Variants in SUZ12 observed in about 807,000 individuals in gnomAD.
SUZ12 encodes polycomb protein SUZ12.
A neutral mutation model predicts 87.3 loss-of-function variants in SUZ12; 17 were observed. The ratio of observed to expected loss-of-function variants is 0.19; its 90% CI spans 0.13 to 0.29. The LOEUF is 0.29. Ranked by LOEUF, SUZ12 falls within the 10% of genes least tolerant of loss-of-function variation. SUZ12 has a pLI of 1.00. For synonymous variants in SUZ12, 253 were observed against 312.4 expected, an observed-to-expected ratio of 0.81 and a Z score of 2.01; for missense variants, 526 against 912.2, an observed-to-expected ratio of 0.58 and a Z score of 5.45.
Position 31,948,397 on chromosome 17 carries a change from T to C in SUZ12, c.455+712T>C, listed in dbSNP as rs1410824695. ...GGAGAAACAGCAGCTTGGGTGGTGT[T>C]TGTTCATTCATTAACTCCTTTAGAG... On this transcript the variant is annotated intron_variant, in intron 4 of 15. Coordinates refer to ENST00000322652, the MANE Select transcript of SUZ12 (RefSeq NM_015355.4). Among the ~76,000 whole-genome samples the C allele has an allele frequency of 2.0e-5, 3 of 152,322 alleles. No homozygotes were observed. The South Asian group carries it at 6.2e-4, about 32-fold the overall frequency.
intron 4 of SUZ12, among the ~76,000 whole-genome samples, chr17:31,964,413 G>GT (rs544646719): frequency 0.1 from 14,756 of 141,908 alleles, 967 homozygotes; most frequent in Middle Eastern, 0.16. Context: ...AACTCTGTAG[G>GT]TTTTTTTTTT....
chr17:31,980,844 C>T (rs1270644720), intron 8 of SUZ12, among the ~76,000 whole-genome samples: 1 of 152,038 alleles, frequency 6.6e-6, no homozygotes, highest in Admixed American at 6.6e-5. Flanking sequence ...CCAAAATCTG[C>T]ATGTTAGATG....
At chr17:31,964,604 A>G (rs1162060689) in intron 4 of SUZ12, among the ~76,000 whole-genome samples, 1 of 151,596 alleles carries the variant, frequency 6.6e-6, no homozygotes, top group East Asian at 2.0e-4. Context: ...ACTGGGTTTC[A>G]CCATATTGGC....
intron 5 of SUZ12, among the ~76,000 whole-genome samples, chr17:31,968,529 G>A (rs1283836481): frequency 6.6e-6 from 1 of 152,174 alleles, no homozygotes; most frequent in Non-Finnish European, 1.5e-5. Context: ...ACTGAGACTG[G>A]CCCTAGTTAG....
chr17:31,993,136 A>C (rs1328701622), intron 10 of SUZ12, 106 bp from the exon 11 acceptor site: 1 of 672,054 alleles, frequency 1.5e-6, no homozygotes, highest in African/African-American at 1.9e-5. Context: ...TAAATACCAC[A>C]AGTAGAATTC....
chr17:31,953,639 C>T (rs929258463), intron 4 of SUZ12, among the ~76,000 whole-genome samples: 1 of 151,796 alleles, frequency 6.6e-6, no homozygotes, highest in African/African-American at 2.4e-5. Flanking sequence ...AACTCCTATC[C>T]TCAAGTGATC....
At chr17:31,987,288 G>A (rs1231051240) in intron 9 of SUZ12, among the ~76,000 whole-genome samples, 1 of 152,192 alleles carries the variant, frequency 6.6e-6, no homozygotes, top group Non-Finnish European at 1.5e-5. Flanking sequence ...TTAGTTCAAG[G>A]TGACATTGAG....
intron 3 of SUZ12, among the ~76,000 whole-genome samples, chr17:31,944,569 T>C (rs963018864): frequency 4.6e-5 from 7 of 152,152 alleles, no homozygotes; most frequent in African/African-American, 1.4e-4. Flanking sequence ...TTCTTAATTA[T>C]TGCCCTTTAG....
chr17:31,939,676 G>A (rs926395326), intron 1 of SUZ12, among the ~76,000 whole-genome samples: 1 of 151,842 alleles, frequency 6.6e-6, no homozygotes, highest in Non-Finnish European at 1.5e-5. Context: ...GGCATGCGCC[G>A]CCCCTATGCC....
chr17:31,938,589 T>G (rs1906081304), intron 1 of SUZ12, among the ~76,000 whole-genome samples: 1 of 152,212 alleles, frequency 6.6e-6, no homozygotes, highest in Non-Finnish European at 1.5e-5. Flanking sequence ...TGAACCTGCT[T>G]CAGAGAGATT....
intron 8 of SUZ12, among the ~76,000 whole-genome samples, chr17:31,977,273 CTTTTT>C (rs762777458): frequency 8.5e-6 from 1 of 117,340 alleles, no homozygotes; most frequent in African/African-American, 3.3e-5. Flanking sequence ...GAGATCCCAT[CTTTTT>C]TTTTTTTTTT....
chr17:31,937,561 T>C (rs756202707), intron 1 of SUZ12, 41 bp downstream of exon 1: 1 of 1,528,644 alleles, frequency 6.5e-7, no homozygotes, highest in Non-Finnish European at 8.7e-7. Context: ...AGACCCACTC[T>C]GCCAACACCG....
chr17:31,981,395 T>C (rs1019505016), intron 8 of SUZ12, among the ~76,000 whole-genome samples: 5 of 152,166 alleles, frequency 3.3e-5, no homozygotes, highest in African/African-American at 7.2e-5. Flanking sequence ...TTTTCACTTA[T>C]CAGATTGACA....
chr17:31,941,397 C>T (rs1438496170), intron 3 of SUZ12, among the ~76,000 whole-genome samples: 1 of 151,446 alleles, frequency 6.6e-6, no homozygotes, highest in Admixed American at 6.6e-5. Context: ...GCTGGGGTTA[C>T]AGGCGCCTGC....
At chr17:31,985,927 C>T (rs1909387985) in intron 9 of SUZ12, among the ~76,000 whole-genome samples, 1 of 151,958 alleles carries the variant, frequency 6.6e-6, no homozygotes, top group African/African-American at 2.4e-5. Context: ...TCCCAAAGTA[C>T]TGGGATTACA....
At chr17:31,946,024 T>C (rs1434756595) in intron 3 of SUZ12, among the ~76,000 whole-genome samples, 1 of 152,182 alleles carries the variant, frequency 6.6e-6, no homozygotes, top group Non-Finnish European at 1.5e-5. Context: ...AAGCGCTTCT[T>C]ACTATACTCT....
chr17:31,988,460 A>T lies in SUZ12; in HGVS notation c.1164A>T (p.Glu388Asp), dbSNP rs1909528454. 1.2e-6 allele frequency: 2 copies of T among 1,609,330 alleles called. No homozygotes were observed. The highest frequency in any genetic ancestry group is 4.5e-5 in the East Asian group (2 of 44,842). Residue 388 changes from glutamate to aspartate, a missense_variant, in exon 10 of 16, where the codon GAA becomes GAT. Glu to Asp is a conservative substitution (Grantham distance 45, BLOSUM62 2). Around this residue, in one of 9 missense-constraint regions of SUZ12, gnomAD observed 85 missense variants for 87.4 expected, o/e 0.97. Coordinates refer to ENST00000322652, the MANE Select transcript of SUZ12 (RefSeq NM_015355.4). ...ATRNSESLHQENKPGSVKPTQ... is the reference protein window; with the variant it reads ...ATRNSESLHQDNKPGSVKPTQ... ...GAAATTCAGAGAGTCTCCATCAGGAAAACAAGCCTGGTTCAGTTAAACCTA... is the reference window on the plus strand; with the variant it reads ...GAAATTCAGAGAGTCTCCATCAGGATAACAAGCCTGGTTCAGTTAAACCTA...
chr17:31,946,113 A>G (rs1348732719), intron 3 of SUZ12, among the ~76,000 whole-genome samples: 3 of 152,154 alleles, frequency 2.0e-5, no homozygotes, highest in South Asian at 2.1e-4. Flanking sequence ...TAAGATCTTT[A>G]CTATGGAGGC....
rs897585845 is a variant in SUZ12 at position 31,973,033 on chromosome 17, G to T, written c.506-113G>T. ...AGGAAAAAAGAATGAGTGAACTTTT[G>T]AGAAGTCTTACTGTGGGAAATCTCT... On this transcript the variant is annotated intron_variant, in intron 5 of 15. Coordinates refer to ENST00000322652, the MANE Select transcript of SUZ12 (RefSeq NM_015355.4). The T allele has an allele frequency of 7.3e-6, 7 of 959,438 alleles. No individual in the cohort carries two copies. In the African/African-American group the frequency reaches 1.2e-4, roughly 16 times the overall value. The allele number at this position is 959,438 out of a possible 1,614,324, so 59.4% of individuals were successfully genotyped here. A position where few individuals can be genotyped will look rare whatever the true frequency, so the allele number is the denominator to read the frequency against.
Sources: gnomAD v4.1 joint callset for allele counts (sites outside exome capture counted in the v4.1 genomes callset) on GRCh38, gnomAD v4.1.1 for gene constraint, gnomAD v4.1.1 regional missense constraint, MANE v1.5 for transcripts, NCBI Gene and HGNC (gene_info 2026-07-23, HGNC 2026-07-21) for gene names.